The following EIF2B1 variants were observed in gnomAD, a reference collection of about 807,000 sequenced individuals.
EIF2B1 encodes the protein translation initiation factor eIF2B subunit alpha.
Under a neutral mutation model 36.8 loss-of-function variants are expected in EIF2B1, and 30 were observed. The observed-to-expected ratio is 0.81, with a 90% CI of 0.61 to 1.10. The LOEUF (loss-of-function observed/expected upper bound fraction) is 1.10. Among genes scored for constraint, EIF2B1 ranks in the 50% least tolerant of loss-of-function variants. The pLI, the probability that EIF2B1 is intolerant of heterozygous loss-of-function variation, is 0.00. For synonymous variants in EIF2B1, 139 were observed against 142.2 expected, an observed-to-expected ratio of 0.98 and a Z score of 0.16; for missense variants, 271 against 374.8, an observed-to-expected ratio of 0.72 and a Z score of 2.29.
In EIF2B1 at chr12:123,621,537, GT is replaced by G. The variant is rs1566213179; in HGVS notation, c.*218del. 2 of 597,524 alleles carry G rather than the reference GT, an allele frequency of 3.3e-6. No homozygotes were observed. Among genetic ancestry groups the G allele is most frequent in the African/African-American group, 3.7e-5 (2 of 53,854 alleles). 37.0% of individuals were successfully genotyped at this position (597,524 alleles called of 1,614,324 possible). On this transcript the variant is annotated 3_prime_UTR_variant, in exon 9 of 9. Transcript: ENST00000424014. ...CTGAAAAGGAAAGTTTCTAGAAACC[GT>G]AAGAACAATTTAAGTTGGGATTTAG...
At position 123,630,642 on chromosome 12, in the gene EIF2B1, T is replaced by C; in HGVS notation, c.116-109A>G. 4 of 1,431,258 alleles carry C rather than the reference T, an allele frequency of 2.8e-6. No homozygotes were observed. The highest frequency in any genetic ancestry group is 3.9e-6 in the Non-Finnish European group (4 of 1,035,768). 88.7% of individuals were successfully genotyped at this position (1,431,258 alleles called of 1,614,324 possible). ...GAATATTTACTAGGTACATACTATATACCAGGCACTATTCTAGATGCTAGG... is the reference window on the plus strand; with the variant it reads ...GAATATTTACTAGGTACATACTATACACCAGGCACTATTCTAGATGCTAGG... On this transcript the variant is annotated intron_variant, in intron 2 of 8. Coordinates refer to ENST00000424014, the MANE Select transcript of EIF2B1 (RefSeq NM_001414.4). The surrounding 1 kb of genome is among the most constrained non-coding windows in gnomAD (Gnocchi z 4.6).
chr12:123,627,578 G>A (rs1212301392), intron 4 of EIF2B1, among the ~76,000 whole-genome samples: 1 of 152,238 alleles, frequency 6.6e-6, no homozygotes, highest in Non-Finnish European at 1.5e-5. Flanking sequence ...TGGGTGTGGT[G>A]GCTCACGCCT....
intron 1 of EIF2B1, 114 bp downstream of exon 1, chr12:123,633,431 G>C (rs1955218123): frequency 2.0e-6 from 3 of 1,490,290 alleles, no homozygotes; most frequent in Middle Eastern, 3.4e-4. Flanking sequence ...AACCAGCGGA[G>C]CAGCCTGAAA....
intron 7 of EIF2B1, among the ~76,000 whole-genome samples, chr12:123,623,206 C>T (rs1955121019): frequency 6.6e-6 from 1 of 151,842 alleles, no homozygotes; most frequent in South Asian, 2.1e-4. Context: ...ATAGGGAAAC[C>T]CCATCTCTAC....
chr12:123,621,190 T>C lies in EIF2B1; in HGVS notation c.*566A>G. ...TTCTTAAGCAGTGAACCATGCAGAA[T>C]ACTGTTGCTAAACATCGTTTCTGCC... On this transcript the variant is annotated 3_prime_UTR_variant, in exon 9 of 9. Transcript: ENST00000424014. The C allele has an allele frequency of 5.3e-6, 1 of 189,340 alleles. No individual in the cohort carries two copies. 11.7% of individuals were successfully genotyped at this position (189,340 alleles called of 1,614,324 possible). A position where few individuals can be genotyped will look rare whatever the true frequency, so the allele number is the denominator to read the frequency against.
At chr12:123,629,352 AAAAAG>A (rs1955171302) in intron 4 of EIF2B1, among the ~76,000 whole-genome samples, 1 of 152,246 alleles carries the variant, frequency 6.6e-6, no homozygotes, top group Non-Finnish European at 1.5e-5. Context: ...AAATGAAGTT[AAAAAG>A]AAAATTTCCC....
chr12:123,621,341 G>A lies in EIF2B1; in HGVS notation c.*415C>T, dbSNP rs547879408. The A allele has an allele frequency of 6.2e-6, 2 of 322,904 alleles. No individual in the cohort carries two copies. The highest frequency in any genetic ancestry group is 4.4e-5 in the Admixed American group (1 of 22,892). 20.0% of individuals were successfully genotyped at this position (322,904 alleles called of 1,614,324 possible). Reference sequence around the variant, plus strand: ...CCTCTTACAAGGCACCGCGTGTAACGTCCTGACCAGCTGTTGGTCATTTGT... The same window carrying A: ...CCTCTTACAAGGCACCGCGTGTAACATCCTGACCAGCTGTTGGTCATTTGT... On this transcript the variant is annotated 3_prime_UTR_variant, in exon 9 of 9. Coordinates refer to ENST00000424014, the MANE Select transcript of EIF2B1 (RefSeq NM_001414.4).
chr12:123,620,495 A>C lies in EIF2B1; in HGVS notation c.*1261T>G. ...ACAATTCCAGTCTTGGAGTAGTCTAACAGAAGAAAATGTAAAATTATTTGA... is the reference window on the plus strand; with the variant it reads ...ACAATTCCAGTCTTGGAGTAGTCTACCAGAAGAAAATGTAAAATTATTTGA... On this transcript the variant is annotated 3_prime_UTR_variant, in exon 9 of 9. Coordinates refer to ENST00000424014, the MANE Select transcript of EIF2B1 (RefSeq NM_001414.4). The C allele has an allele frequency of 6.3e-6, 1 of 159,198 alleles. No homozygotes were observed. Among genetic ancestry groups the C allele is most frequent in the South Asian group, 1.8e-4 (1 of 5,488 alleles). 9.9% of individuals were successfully genotyped at this position (159,198 alleles called of 1,614,324 possible).
At position 123,627,097 on chromosome 12, in the gene EIF2B1, C is replaced by T. The variant is rs148714712; in HGVS notation, c.429G>A (p.Ala143=). ...CGTATACACTAAATCGCTTCTTGGC[C>T]GCCACGGCTGCTTCCAGGACTCTCA... ...VVLRVLEAAV[A]AKKRFSVYVT... is the part of the protein sequence containing the mutation. The change falls in exon 5 of 9, where the codon GCG becomes GCA. Residue 143 remains alanine, a synonymous_variant. Coordinates refer to ENST00000424014, the MANE Select transcript of EIF2B1 (RefSeq NM_001414.4). The T allele has an allele frequency of 9.5e-4, 1,532 of 1,614,156 alleles. 10 individuals are homozygous for T. The Middle Eastern group carries it at 0.012, about 13-fold the overall frequency.
chr12:123,622,730 T>G lies in EIF2B1; in HGVS notation c.659A>C (p.Lys220Thr). 1 of 1,614,146 alleles carries G rather than the reference T, an allele frequency of 6.2e-7. No homozygotes were observed. The highest frequency in any genetic ancestry group is 8.5e-7 in the Non-Finnish European group (1 of 1,179,984). ...CACATAGAAAGGTTTGTTCTGTGCTTTGGCACACACAGCCATCTGGTTGGT... is the reference window on the plus strand; with the variant it reads ...CACATAGAAAGGTTTGTTCTGTGCTGTGGCACACACAGCCATCTGGTTGGT... ...IGTNQMAVCA[K>T]AQNKPFYVVA... The change falls in exon 8 of 9, where the codon AAA becomes ACA. Residue 220 changes from lysine (K) to threonine (T), a missense_variant. Lys to Thr is a moderately conservative substitution (Grantham distance 78, BLOSUM62 -1). Coordinates refer to ENST00000424014, the MANE Select transcript of EIF2B1 (RefSeq NM_001414.4).
chr12:123,625,241 T>C (rs1035310192), intron 6 of EIF2B1, among the ~76,000 whole-genome samples: 1 of 152,148 alleles, frequency 6.6e-6, no homozygotes, highest in African/African-American at 2.4e-5. Flanking sequence ...ACAAAAGTGT[T>C]ATGCAGTTTT....
At chr12:123,632,859 T>C (rs1955209492) in intron 1 of EIF2B1, among the ~76,000 whole-genome samples, 2 of 142,742 alleles carry the variant, frequency 1.4e-5, no homozygotes, top group South Asian at 2.3e-4. Flanking sequence ...GGCAGGAGAA[T>C]GGCGTGAACC....
At chr12:123,632,980 G>A (rs1157146044) in intron 1 of EIF2B1, among the ~76,000 whole-genome samples, 4 of 150,328 alleles carry the variant, frequency 2.7e-5, no homozygotes, top group Non-Finnish European at 5.9e-5. Context: ...GGTGTGCAAG[G>A]CCTAAAAATT....
chr12:123,628,051 T>G (rs1447009328), intron 4 of EIF2B1, among the ~76,000 whole-genome samples: 1 of 152,128 alleles, frequency 6.6e-6, no homozygotes, highest in Non-Finnish European at 1.5e-5. Context: ...CACTTAGACA[T>G]AATCTGTTTT....
chr12:123,621,456 T>G lies in EIF2B1; in HGVS notation c.*300A>C. Reference sequence around the variant, plus strand: ...CAGGGGAGGATGAAGACAGGTGGACTTGGGCTCATCTTTCATCAGTTAAGT... The same window carrying G: ...CAGGGGAGGATGAAGACAGGTGGACGTGGGCTCATCTTTCATCAGTTAAGT... On this transcript the variant is annotated 3_prime_UTR_variant, in exon 9 of 9. Coordinates refer to ENST00000424014, the MANE Select transcript of EIF2B1 (RefSeq NM_001414.4). The G allele has an allele frequency of 2.5e-6, 1 of 404,048 alleles. No individual in the cohort carries two copies. 25.0% of individuals were successfully genotyped at this position (404,048 alleles called of 1,614,324 possible).
chr12:123,633,409 C>T, intron 1 of EIF2B1, 136 bp downstream of exon 1: 1 of 1,361,514 alleles, frequency 7.3e-7, no homozygotes, highest in Non-Finnish European at 1.0e-6. Context: ...TTAGTTGTGA[C>T]TCTGGAAACA....
rs761521342 is a variant in EIF2B1, at chr12:123,621,764, A to G, written c.910T>C (p.Tyr304His). The change falls in exon 9 of 9, where the codon TAT (tyrosine) becomes CAT (histidine). Residue 304 changes from tyrosine (Y) to histidine (H), a missense_variant. Tyr to His is a moderately conservative substitution (Grantham distance 83). Coordinates refer to ENST00000424014, the MANE Select transcript of EIF2B1 (RefSeq NM_001414.4). Reference protein sequence around the residue: ...SAVSDELIKLYL With the variant: ...SAVSDELIKLHL Reference sequence around the variant, plus strand: ...AGGAAAGGGCTCACAGGTTACAGATAGAGCTTGATGAGCTCATCGCTGACT... The same window carrying G: ...AGGAAAGGGCTCACAGGTTACAGATGGAGCTTGATGAGCTCATCGCTGACT... 1 of 1,613,724 alleles carries G rather than the reference A, an allele frequency of 6.2e-7. No homozygotes were observed. The highest frequency in any genetic ancestry group is 8.5e-7 in the Non-Finnish European group (1 of 1,180,046).
At chr12:123,627,796 G>C (rs1007060641) in intron 4 of EIF2B1, among the ~76,000 whole-genome samples, 1 of 152,212 alleles carries the variant, frequency 6.6e-6, no homozygotes, top group Non-Finnish European at 1.5e-5. Flanking sequence ...TGAGGCTGCA[G>C]TGAGCCATAA....
rs1955088835 is a variant in EIF2B1 at position 123,621,117 on chromosome 12, T to TCTCTTACACATACAGAATTTCAGTTTACA, written c.*610_*638dup. On this transcript the variant is annotated 3_prime_UTR_variant, in exon 9 of 9. Coordinates refer to ENST00000424014, the MANE Select transcript of EIF2B1 (RefSeq NM_001414.4). ...TTTAGGACCCAAACATATTTAAACA[T>TCTCTTACACATACAGAATTTCAGTTTACA]CTCTTACACATACAGAATTTCAGTT... 2 of 156,012 alleles carry TCTCTTACACATACAGAATTTCAGTTTACA rather than the reference T, an allele frequency of 1.3e-5. No individual in the cohort carries two copies. The highest frequency in any genetic ancestry group is 2.4e-5 in the African/African-American group (1 of 41,464). 9.7% of individuals were successfully genotyped at this position (156,012 alleles called of 1,614,324 possible). A position where few individuals can be genotyped will look rare whatever the true frequency, so the allele number is the denominator to read the frequency against.
Sources: gnomAD v4.1 joint callset for allele counts (sites outside exome capture counted in the v4.1 genomes callset) on GRCh38, gnomAD v4.1.1 for gene constraint, Gnocchi (gnomAD v3.1) non-coding constraint, MANE v1.5 for transcripts, NCBI Gene and HGNC (gene_info 2026-07-23, HGNC 2026-07-21) for gene names.